The following SLC38A6 variants were observed in gnomAD, a reference collection of about 807,000 sequenced individuals.
SLC38A6 encodes solute carrier family 38 member 6.
In SLC38A6, 73 loss-of-function variants were observed where a neutral mutation model predicts 65.0. The ratio of observed to expected loss-of-function variants is 1.12; its 90% CI spans 0.93 to 1.37. The LOEUF (loss-of-function observed/expected upper bound fraction) is 1.37, where lower values mean the gene tolerates loss of function less well. SLC38A6 is among the 40% of genes most tolerant of loss of function. SLC38A6 has a pLI of 0.00. For missense variants in SLC38A6, 561 were observed against 531.1 expected, an observed-to-expected ratio of 1.06 and a Z score of -0.55; for synonymous variants, 183 against 178.8, an observed-to-expected ratio of 1.02 and a Z score of -0.19.
intron 8 of SLC38A6, among the ~76,000 whole-genome samples, chr14:61,040,645 A>AT (rs906274147): frequency 2.0e-5 from 3 of 151,048 alleles, no homozygotes; most frequent in African/African-American, 7.3e-5. Context: ...GGCCAGATAA[A>AT]TTTTTTTTTA....
At chr14:61,016,734 A>T (rs1199054094) in intron 4 of SLC38A6, among the ~76,000 whole-genome samples, 1 of 152,166 alleles carries the variant, frequency 6.6e-6, no homozygotes, top group Non-Finnish European at 1.5e-5. Context: ...TCCAAACAGG[A>T]ATTCTTTTGT....
chr14:61,028,069 G>T (rs1187455011), intron 5 of SLC38A6, among the ~76,000 whole-genome samples: 1 of 151,960 alleles, frequency 6.6e-6, no homozygotes, highest in East Asian at 1.9e-4. Flanking sequence ...AAACCAAAGA[G>T]TTGAGGGTAC....
At chr14:61,070,283 C>G (rs1488692872) in intron 15 of SLC38A6, among the ~76,000 whole-genome samples, 1 of 152,228 alleles carries the variant, frequency 6.6e-6, no homozygotes, top group Non-Finnish European at 1.5e-5. Context: ...CTCTCGCCAT[C>G]TTGTACCAAG....
intron 3 of SLC38A6, among the ~76,000 whole-genome samples, chr14:61,005,347 G>A (rs1300392965): frequency 2.2e-5 from 1 of 46,194 alleles, no homozygotes; most frequent in African/African-American, 3.4e-5. Flanking sequence ...TCATGCAGGA[G>A]AAGGAAATAA....
intron 3 of SLC38A6, among the ~76,000 whole-genome samples, chr14:61,001,134 T>C (rs938600549): frequency 2.6e-5 from 4 of 152,158 alleles, no homozygotes; most frequent in African/African-American, 9.7e-5. Context: ...CATTTGGCAA[T>C]GTCTGGAGGC....
intron 2 of SLC38A6, 82 bp from the exon 3 acceptor site, chr14:60,984,648 A>T: frequency 2.8e-6 from 3 of 1,079,422 alleles, no homozygotes; most frequent in South Asian, 1.3e-5. Context: ...TTTGACTGTT[A>T]AGCAATTTGT....
At chr14:60,999,252 C>A (rs542183523) in intron 3 of SLC38A6, among the ~76,000 whole-genome samples, 2 of 152,264 alleles carry the variant, frequency 1.3e-5, no homozygotes, top group South Asian at 4.2e-4. Context: ...TTTCTAGTGC[C>A]CAGAACATAA....
intron 2 of SLC38A6, 80 bp from the exon 3 acceptor site, chr14:60,984,650 G>A: frequency 1.8e-6 from 2 of 1,103,772 alleles, no homozygotes; most frequent in East Asian, 4.7e-5. Flanking sequence ...TGACTGTTAA[G>A]CAATTTGTTT....
chr14:60,989,194 A>T (rs1017077464), intron 3 of SLC38A6, among the ~76,000 whole-genome samples: 1 of 152,030 alleles, frequency 6.6e-6, no homozygotes, highest in African/African-American at 2.4e-5. Flanking sequence ...GTTCCTTGGG[A>T]TGAATTCTTT....
At chr14:61,026,156 T>G (rs1411885182) in intron 5 of SLC38A6, among the ~76,000 whole-genome samples, 1 of 152,194 alleles carries the variant, frequency 6.6e-6, no homozygotes, top group Non-Finnish European at 1.5e-5. Context: ...TTGTTTTTTT[T>G]AAGTTTGTAT....
intron 3 of SLC38A6, among the ~76,000 whole-genome samples, chr14:60,997,339 A>G (rs575371423): frequency 6.6e-6 from 1 of 152,186 alleles, no homozygotes; most frequent in East Asian, 1.9e-4. Context: ...TTTTGTAGAG[A>G]TGGGGTTTCA....
rs1240276110 is a variant in SLC38A6, at chr14:60,981,377, A to G, written c.100A>G (p.Ser34Gly). Reference protein sequence around the residue: ...AEAEELSPLLSNELHRQRSPG... With the variant: ...AEAEELSPLLGNELHRQRSPG... ...GGCCGAAGAGTTGAGTCCGTTGCTA[A>G]GCAACGTAAGTGGGCTGTGTTCGCT... Residue 34 changes from serine to glycine, a missense_variant, in exon 1 of 16, where the codon AGC becomes GGC. By Grantham distance (56) the Ser-to-Gly change is moderately conservative. Transcript: ENST00000267488. 6.3e-7 allele frequency: 1 copy of G among 1,597,542 alleles called. No individual in the cohort carries two copies. The highest frequency in any genetic ancestry group is 1.1e-5 in the South Asian group (1 of 88,036).
chr14:61,072,527 C>T (rs1200359258), intron 15 of SLC38A6, among the ~76,000 whole-genome samples: 1 of 152,150 alleles, frequency 6.6e-6, no homozygotes, highest in African/African-American at 2.4e-5. Flanking sequence ...CCCTACTACC[C>T]CACAACCCTT....
intron 15 of SLC38A6, among the ~76,000 whole-genome samples, chr14:61,075,294 AC>A (rs1460728033): frequency 6.6e-6 from 1 of 152,084 alleles, no homozygotes; most frequent in East Asian, 1.9e-4. Flanking sequence ...GTGCATGTAA[AC>A]CCTTCTTTAG....
chr14:60,985,589 T>C (rs1357271707), intron 3 of SLC38A6, among the ~76,000 whole-genome samples: 1 of 152,190 alleles, frequency 6.6e-6, no homozygotes, highest in Admixed American at 6.5e-5. Flanking sequence ...TATGGATGAG[T>C]TCGTTTTGCT....
In SLC38A6 at chr14:61,082,603, G is replaced by C. The variant is rs2043700377; in HGVS notation, c.1409-952G>C. Among the ~76,000 whole-genome samples the C allele has an allele frequency of 2.6e-5, 4 of 152,296 alleles. No homozygotes were observed. In the South Asian group the frequency reaches 8.3e-4, roughly 32 times the overall value. Reference sequence around the variant, plus strand: ...ATTGTAGTTTAATTCCTGTTTGCTTGACTGAAGCAGAGACTCACCTGCAGA... The same window carrying C: ...ATTGTAGTTTAATTCCTGTTTGCTTCACTGAAGCAGAGACTCACCTGCAGA... On this transcript the variant is annotated intron_variant, in intron 16 of 16. Coordinates refer to the SLC38A6 transcript ENST00000354886.
At chr14:61,004,674 C>G (rs1181592270) in intron 3 of SLC38A6, 4 of 152,222 alleles carry the variant, frequency 2.6e-5, no homozygotes. Context: ...ATAACAGGCT[C>G]TGAAATTGTG....
At chr14:61,039,291 T>C (rs982124541) in intron 8 of SLC38A6, among the ~76,000 whole-genome samples, 6 of 152,334 alleles carry the variant, frequency 3.9e-5, no homozygotes, top group African/African-American at 4.8e-5. Flanking sequence ...GAGCACAGTT[T>C]AATCTACAGT....
chr14:61,083,539 G>A (rs1487504525), intron 16 of SLC38A6: 3 of 1,548,230 alleles, frequency 1.9e-6, no homozygotes, highest in East Asian at 2.4e-5. Flanking sequence ...TGTGACTGGT[G>A]TTCTTGTAAG....
Sources: allele counts gnomAD v4.1 joint callset (sites outside exome capture counted in the v4.1 genomes callset), GRCh38; gene constraint gnomAD v4.1.1; transcripts MANE v1.5; gene names NCBI Gene and HGNC (gene_info 2026-07-23, HGNC 2026-07-21).